Variants in PLA2G7 observed in about 807,000 individuals in gnomAD.
The protein encoded by PLA2G7 is phospholipase A2 group VII, also known as platelet-activating factor acetylhydrolase.
PLA2G7 carries 63 observed loss-of-function variants against 49.6 expected under a neutral mutation model. The observed-to-expected ratio is 1.27, with a 90% CI of 1.04 to 1.57. The LOEUF (loss-of-function observed/expected upper bound fraction) is 1.57. Among genes scored for constraint, PLA2G7 ranks in the 40% most tolerant of loss-of-function variants. The probability of loss-of-function intolerance (pLI) is 0.00; values close to 1 mark genes in which losing one functional copy is unlikely to be tolerated. For missense variants in PLA2G7, 596 were observed against 521.2 expected (o/e 1.14, Z -1.40); for synonymous variants, 193 against 169.9 (o/e 1.14, Z -1.06).
At chr6:46,735,066 G>T (rs1765878807) in intron 1 of PLA2G7, 114 bp downstream of exon 1, 1 of 152,108 alleles carries the variant, frequency 6.6e-6, no homozygotes, top group Admixed American at 6.5e-5. Context: ...CCAGCAGAGC[G>T]GGTGCGACTC....
chr6:46,705,873 C>A (rs751465040), intron 10 of PLA2G7, among the ~76,000 whole-genome samples: 83 of 152,160 alleles, frequency 5.5e-4, no homozygotes, highest in Non-Finnish European at 1.2e-3. Context: ...TCGTTTTCTA[C>A]CACCACTGGG....
chr6:46,707,888 C>A, intron 10 of PLA2G7, 103 bp downstream of exon 10: 3 of 715,154 alleles, frequency 4.2e-6, no homozygotes, highest in Non-Finnish European at 7.2e-6. Context: ...AAAGTCTAAA[C>A]AACCAATTCA....
intron 2 of PLA2G7, among the ~76,000 whole-genome samples, chr6:46,718,313 G>A (rs1765283340): frequency 6.6e-6 from 1 of 151,612 alleles, no homozygotes; most frequent in Non-Finnish European, 1.5e-5. Context: ...TTTTTGGAAG[G>A]CAGTTTGTAG....
chr6:46,712,898 C>A (rs1214227950), intron 5 of PLA2G7, among the ~76,000 whole-genome samples: 1 of 152,182 alleles, frequency 6.6e-6, no homozygotes, highest in Non-Finnish European at 1.5e-5. Flanking sequence ...GACCTGCAGT[C>A]TGACCACTGA....
intron 9 of PLA2G7, among the ~76,000 whole-genome samples, chr6:46,708,936 A>T (rs1381835649): frequency 6.6e-6 from 1 of 152,138 alleles, no homozygotes. Flanking sequence ...GCTCCATCTT[A>T]AAGGTGGAAG....
chr6:46,716,719 C>A (rs1562073617), intron 3 of PLA2G7, among the ~76,000 whole-genome samples, 191 bp from the exon 4 acceptor site: 1 of 152,102 alleles, frequency 6.6e-6, no homozygotes, highest in South Asian at 2.1e-4. Context: ...TATTCTATCT[C>A]AGTGAAAGGA....
At chr6:46,724,437 C>A (rs569785699) in intron 1 of PLA2G7, among the ~76,000 whole-genome samples, 1 of 152,256 alleles carries the variant, frequency 6.6e-6, no homozygotes, top group South Asian at 2.1e-4. Flanking sequence ...TTTAATGATC[C>A]GGTGTCCCAC....
chr6:46,710,489 G>T (rs1764975148), intron 8 of PLA2G7, 56 bp downstream of exon 8: 2 of 1,161,340 alleles, frequency 1.7e-6, no homozygotes, highest in South Asian at 1.2e-5. Context: ...AAAATTAAAT[G>T]ACAAAAAACA....
rs923000119 is a variant in PLA2G7 at position 46,724,823 on chromosome 6, G to A, written c.-34-1898C>T. ...TAAACCTTTGCTGTGTTAAGCCACT[G>A]AAATTTCCAGGTGAAGCTGTTATTG... On this transcript the variant is annotated intron_variant, in intron 1 of 11. Coordinates refer to ENST00000274793, the MANE Select transcript of PLA2G7 (RefSeq NM_005084.4). Among the ~76,000 whole-genome samples the A allele has an allele frequency of 2.0e-5, 3 of 152,218 alleles. No homozygotes were observed. In the East Asian group the frequency reaches 5.8e-4, roughly 29 times the overall value.
intron 2 of PLA2G7, among the ~76,000 whole-genome samples, chr6:46,720,731 G>A: frequency 6.6e-6 from 1 of 152,178 alleles, no homozygotes; most frequent in Non-Finnish European, 1.5e-5. Context: ...ATTTTAATAG[G>A]AGGATTGGAA....
chr6:46,722,773 C>T lies in PLA2G7; in HGVS notation c.109+10G>A. On this transcript the variant is annotated intron_variant, in intron 2 of 11. Coordinates refer to ENST00000274793, the MANE Select transcript of PLA2G7 (RefSeq NM_005084.4). ...AGTTGCTCAAGACCTTGAACAAATA[C>T]ACCTCTTACCTGATGATTTCATATG... 2.0e-6 allele frequency: 3 copies of T among 1,526,110 alleles called. No individual in the cohort carries two copies. The highest frequency in any genetic ancestry group is 2.2e-5 in the East Asian group (1 of 44,470). The allele number at this position is 1,526,110 out of a possible 1,614,324, so 94.5% of individuals were successfully genotyped here. A position where few individuals can be genotyped will look rare whatever the true frequency, so the allele number is the denominator to read the frequency against.
At chr6:46,715,128 T>C (rs1765163157) in intron 4 of PLA2G7, among the ~76,000 whole-genome samples, 2 of 152,172 alleles carry the variant, frequency 1.3e-5, no homozygotes, top group Non-Finnish European at 1.5e-5. Context: ...TATAGGTGTA[T>C]TCATAAAGGC....
chr6:46,708,842 G>T (rs1163392213), intron 9 of PLA2G7, among the ~76,000 whole-genome samples: 1 of 152,014 alleles, frequency 6.6e-6, no homozygotes, highest in Non-Finnish European at 1.5e-5. Flanking sequence ...TGGAATGAAG[G>T]TTTAAGAAAG....
rs1436043774 is a variant in PLA2G7 at position 46,704,390 on chromosome 6, C to A, written c.*170G>T. The stretch of plus-strand genomic sequence containing the variant: ...TTAGTCCAAGCTTCAATCACGATTA[C>A]AGTATAGCCTACATTTTAAAATATG... On this transcript the variant is annotated 3_prime_UTR_variant, in exon 12 of 12. Transcript: ENST00000274793. 2.1e-5 allele frequency: 13 copies of A among 619,488 alleles called. No individual in the cohort carries two copies. The highest frequency in any genetic ancestry group is 3.8e-5 in the Non-Finnish European group (13 of 346,654). 38.4% of individuals were successfully genotyped at this position (619,488 alleles called of 1,614,324 possible). A position where few individuals can be genotyped will look rare whatever the true frequency, so the allele number is the denominator to read the frequency against.
rs140551939 is a variant in PLA2G7 at position 46,716,373 on chromosome 6, A to G, written c.376+11T>C. On this transcript the variant is annotated intron_variant, in intron 4 of 11. Transcript: ENST00000274793. ...CAAGAGCCTACAAAGAAGGATCAAC[A>G]GAAATCTTACCAAAGAGTAACCTCA... 2.1e-4 allele frequency: 340 copies of G among 1,613,896 alleles called. 5 individuals are homozygous for G. Among genetic ancestry groups the G allele is most frequent in the Middle Eastern group, 6.6e-4 (4 of 6,080 alleles).
At chr6:46,725,236 AT>A (rs113442644) in intron 1 of PLA2G7, among the ~76,000 whole-genome samples, 7,403 of 148,846 alleles carry the variant, frequency 0.05, 493 homozygotes, top group African/African-American at 0.16. Flanking sequence ...GGAGCTCTAA[AT>A]TTTTTTTTTT....
intron 2 of PLA2G7, among the ~76,000 whole-genome samples, chr6:46,720,264 G>A (rs1765352130): frequency 6.6e-6 from 1 of 152,236 alleles, no homozygotes. Flanking sequence ...GCATGGGAGG[G>A]TTTCACCCAA....
chr6:46,729,614 T>C (rs1367283862), intron 1 of PLA2G7, among the ~76,000 whole-genome samples: 2 of 152,154 alleles, frequency 1.3e-5, no homozygotes, highest in African/African-American at 2.4e-5. Context: ...GGATAGGAAG[T>C]AGCTAAACCA....
At chr6:46,716,629 G>A in intron 3 of PLA2G7, 101 bp from the exon 4 acceptor site, 1 of 1,215,306 alleles carries the variant, frequency 8.2e-7, no homozygotes, top group East Asian at 2.4e-5. Flanking sequence ...AAATACCTCT[G>A]TGTTCACAAA....
Sources: gnomAD v4.1 joint callset for allele counts (sites outside exome capture counted in the v4.1 genomes callset) on GRCh38, gnomAD v4.1.1 for gene constraint, MANE v1.5 for transcripts, NCBI Gene and HGNC (gene_info 2026-07-23, HGNC 2026-07-21) for gene names.